TLN2: variants seen among roughly 807,000 people sequenced by gnomAD.
The protein encoded by TLN2 is talin 2, also known as talin-2.
Under a neutral mutation model 294.7 loss-of-function variants are expected in TLN2, and 118 were observed. That is an observed-to-expected ratio of 0.40 (90% confidence interval 0.34 to 0.47). The LOEUF is 0.47. Ranked by LOEUF, TLN2 falls within the 20% of genes least tolerant of loss-of-function variation. The pLI, the probability that TLN2 is intolerant of heterozygous loss-of-function variation, is 0.84. For synonymous variants in TLN2, 1,431 were observed against 1,304.5 expected, an observed-to-expected ratio of 1.10 and a Z score of -2.09; for missense variants, 3,083 against 3,282.2, an observed-to-expected ratio of 0.94 and a Z score of 1.48.
At chr15:62,665,294 C>T (rs1194214783) in intron 9 of TLN2, among the ~76,000 whole-genome samples, 1 of 152,134 alleles carries the variant, frequency 6.6e-6, no homozygotes, top group Admixed American at 6.5e-5. Context: ...AAGCGATCCA[C>T]CCTCTTCAGC....
At chr15:62,460,260 GTT>G (rs570067801) in intron 1 of TLN2, among the ~76,000 whole-genome samples, 4 of 139,256 alleles carry the variant, frequency 2.9e-5, no homozygotes, top group Non-Finnish European at 3.1e-5. Context: ...TAGCCACATG[GTT>G]TTTTTTTTTT....
At chr15:62,398,924 C>T (rs535612548) in intron 1 of TLN2, among the ~76,000 whole-genome samples, 97 of 152,224 alleles carry the variant, frequency 6.4e-4, no homozygotes, top group African/African-American at 2.3e-3. Context: ...TGCGGCAGCC[C>T]CTCCCATCTC....
chr15:62,413,139 A>C (rs78261417), intron 1 of TLN2, among the ~76,000 whole-genome samples: 4,704 of 152,240 alleles, frequency 0.031, 249 homozygotes, highest in African/African-American at 0.11. Flanking sequence ...AAGTCATTAT[A>C]AGTTCATCAA....
chr15:62,454,680 G>C (rs188159017), intron 1 of TLN2, among the ~76,000 whole-genome samples: 29 of 152,276 alleles, frequency 1.9e-4, no homozygotes, highest in African/African-American at 2.4e-5. Flanking sequence ...CACAGGGAGT[G>C]AGGGAGAGGG....
At chr15:62,599,395 T>G (rs961980208) in intron 2 of TLN2, among the ~76,000 whole-genome samples, 3 of 152,186 alleles carry the variant, frequency 2.0e-5, no homozygotes, top group African/African-American at 7.2e-5. Flanking sequence ...TTATATTGAT[T>G]GATTGTAAGG....
intron 46 of TLN2, among the ~76,000 whole-genome samples, chr15:62,793,648 A>T (rs1479953392): frequency 6.6e-6 from 1 of 152,060 alleles, no homozygotes; most frequent in Non-Finnish European, 1.5e-5. Flanking sequence ...CTTCATTCCC[A>T]AGTAGCTCTT....
At chr15:62,738,380 C>G in intron 30 of TLN2, 47 bp downstream of exon 30, 1 of 1,596,826 alleles carries the variant, frequency 6.3e-7, no homozygotes, top group Non-Finnish European at 8.5e-7. Context: ...ACTAGGCTCG[C>G]GTTAGGTGTG....
chr15:62,839,422 T>C (rs1404363358), intron 58 of TLN2, among the ~76,000 whole-genome samples: 1 of 152,172 alleles, frequency 6.6e-6, no homozygotes, highest in African/African-American at 2.4e-5. Flanking sequence ...AGAGCAAAAA[T>C]GGAGGACAGC....
At chr15:62,521,471 T>TC (rs1555422579) in intron 1 of TLN2, among the ~76,000 whole-genome samples, 1 of 152,002 alleles carries the variant, frequency 6.6e-6, no homozygotes, top group Non-Finnish European at 1.5e-5. Flanking sequence ...GGGAGACAGT[T>TC]GGGGGGCAAG....
intron 22 of TLN2, among the ~76,000 whole-genome samples, chr15:62,713,897 C>CATATATATATAT (rs34783254): frequency 4.6e-4 from 55 of 119,150 alleles, no homozygotes; most frequent in African/African-American, 1.3e-3. Flanking sequence ...TTCTTTAAGC[C>CATATATATATAT]ATATATATAT....
Position 62,719,753 on chromosome 15 carries a change from C to G in TLN2, c.2878-14C>G, listed in dbSNP as rs2060010340. The G allele has an allele frequency of 3.2e-6, 5 of 1,579,196 alleles. No individual in the cohort carries two copies. In the Admixed American group the frequency reaches 8.9e-5, roughly 28 times the overall value. On this transcript the variant is annotated splice_polypyrimidine_tract_variant and intron_variant, in intron 24 of 58. Transcript: ENST00000636159. ...ATTCTAGCCATGCTGTTTTTATTTC[C>G]TTGCCTTCTGCAGGCAGTGGCTGAT...
At chr15:62,459,182 A>G (rs1292605125) in intron 1 of TLN2, among the ~76,000 whole-genome samples, 4 of 151,734 alleles carry the variant, frequency 2.6e-5, no homozygotes, top group African/African-American at 9.7e-5. Flanking sequence ...TTGTATTTTT[A>G]GTAGAGACAG....
At chr15:62,609,805 A>G (rs1435821203) in intron 2 of TLN2, among the ~76,000 whole-genome samples, 3 of 152,168 alleles carry the variant, frequency 2.0e-5, no homozygotes, top group African/African-American at 7.2e-5. Context: ...GAAACTATGT[A>G]GCTATCCCAT....
intron 11 of TLN2, among the ~76,000 whole-genome samples, chr15:62,678,659 C>T (rs1387091200): frequency 6.6e-6 from 1 of 152,178 alleles, no homozygotes; most frequent in African/African-American, 2.4e-5. Context: ...AGTGAAACCC[C>T]ATCTTTACTA....
At chr15:62,477,849 C>T (rs937947810) in intron 1 of TLN2, among the ~76,000 whole-genome samples, 31 of 136,246 alleles carry the variant, frequency 2.3e-4, no homozygotes, top group African/African-American at 8.7e-4. Flanking sequence ...GTCCAAGCAG[C>T]AACTTGGCCC....
At chr15:62,412,339 C>T (rs748938140) in intron 1 of TLN2, among the ~76,000 whole-genome samples, 5 of 152,140 alleles carry the variant, frequency 3.3e-5, no homozygotes, top group African/African-American at 9.7e-5. Flanking sequence ...TTGGAAGAGA[C>T]GGAGGTCTGG....
intron 1 of TLN2, among the ~76,000 whole-genome samples, chr15:62,543,865 G>A (rs2041842875): frequency 6.6e-6 from 1 of 152,032 alleles, no homozygotes; most frequent in African/African-American, 2.4e-5. Flanking sequence ...GTGTTAAACT[G>A]TGTTCAGGCT....
At chr15:62,620,837 C>CTTTTTTTTTTTTTTTTTTTTT (rs71129016) in intron 3 of TLN2, among the ~76,000 whole-genome samples, 4 of 66,416 alleles carry the variant, frequency 6.0e-5, no homozygotes, top group Middle Eastern at 0.011. Flanking sequence ...CTTTCTTTTT[C>CTTTTTTTTTTTTTTTTTTTTT]TTTTTTTTTT....
At chr15:62,664,188 A>G (rs964712493) in intron 9 of TLN2, among the ~76,000 whole-genome samples, 1 of 151,072 alleles carries the variant, frequency 6.6e-6, no homozygotes, top group African/African-American at 2.4e-5. Flanking sequence ...TTTGCAATGC[A>G]TACTCCAAGA....
Sources: allele counts gnomAD v4.1 joint callset (sites outside exome capture counted in the v4.1 genomes callset), GRCh38; gene constraint gnomAD v4.1.1; transcripts MANE v1.5; gene names NCBI Gene and HGNC (gene_info 2026-07-23, HGNC 2026-07-21).